Variants in TMEM132B observed in about 807,000 individuals in gnomAD.
TMEM132B encodes the protein transmembrane protein 132B.
Under a neutral mutation model 90.8 loss-of-function variants are expected in TMEM132B, and 18 were observed. The observed-to-expected ratio is 0.20, with a 90% CI of 0.14 to 0.29. The LOEUF is 0.29. Among genes scored for constraint, TMEM132B ranks in the 10% least tolerant of loss-of-function variants. TMEM132B has a pLI of 1.00. For missense variants in TMEM132B, 1,096 were observed against 1,326.8 expected (o/e 0.83, Z 2.70); for synonymous variants, 504 against 523.3 (o/e 0.96, Z 0.50).
intron 4 of TMEM132B, among the ~76,000 whole-genome samples, chr12:125,519,911 T>C (rs1883265481): frequency 6.6e-6 from 1 of 152,204 alleles, no homozygotes; most frequent in Non-Finnish European, 1.5e-5. Flanking sequence ...AGTGCTGCGC[T>C]GAGTGAAAAC....
intron 3 of TMEM132B, among the ~76,000 whole-genome samples, chr12:125,497,456 G>A (rs1316485507): frequency 6.6e-6 from 1 of 152,162 alleles, no homozygotes; most frequent in Non-Finnish European, 1.5e-5. Context: ...ATCCTTACAG[G>A]CTTCCAAGGT....
chr12:125,583,626 G>T (rs920156715), intron 4 of TMEM132B, among the ~76,000 whole-genome samples: 1 of 152,148 alleles, frequency 6.6e-6, no homozygotes, highest in African/African-American at 2.4e-5. Flanking sequence ...CCTGGGGACT[G>T]GGAAGACATT....
At chr12:125,380,301 C>T (rs1419387089) in intron 2 of TMEM132B, among the ~76,000 whole-genome samples, 1 of 152,180 alleles carries the variant, frequency 6.6e-6, no homozygotes, top group Non-Finnish European at 1.5e-5. Flanking sequence ...CATTGTCTTT[C>T]CTCCTGTGTG....
chr12:125,566,401 G>A (rs768218631), intron 4 of TMEM132B, among the ~76,000 whole-genome samples: 17 of 152,136 alleles, frequency 1.1e-4, no homozygotes, highest in Non-Finnish European at 2.5e-4. Flanking sequence ...ATAAAAATAC[G>A]TAAGACATAA....
intron 1 of TMEM132B, among the ~76,000 whole-genome samples, chr12:125,219,095 G>A (rs1039365956): frequency 1.3e-5 from 2 of 152,226 alleles, no homozygotes; most frequent in African/African-American, 4.8e-5. Flanking sequence ...TGAGCCTCTA[G>A]ATTAGTCATC....
intron 1 of TMEM132B, among the ~76,000 whole-genome samples, chr12:125,261,134 C>G (rs2136110223): frequency 6.6e-6 from 1 of 152,282 alleles, no homozygotes; most frequent in Non-Finnish European, 1.5e-5. Flanking sequence ...ACTTGTCTTC[C>G]CGGTGAGAAG....
In TMEM132B at chr12:125,490,597, C is replaced by T. The variant is rs1230685881; in HGVS notation, c.1107-28842C>T. Among the ~76,000 whole-genome samples, 9 of 152,024 alleles carry T rather than the reference C, an allele frequency of 5.9e-5. No individual in the cohort carries two copies. In the South Asian group the frequency reaches 1.0e-3, roughly 18 times the overall value. On this transcript the variant is annotated intron_variant, in intron 3 of 8. Transcript: ENST00000682704. This position sits in a 1 kb window ranked among gnomAD's most constrained non-coding sequence, Gnocchi z 4.2. ...TCCTGCCTTAGCCTCCCGAGTAGCT[C>T]GACTACAGACACCTGCCACCACGCC...
chr12:125,531,874 G>A (rs944945640), intron 4 of TMEM132B, among the ~76,000 whole-genome samples: 1 of 152,208 alleles, frequency 6.6e-6, no homozygotes, highest in Non-Finnish European at 1.5e-5. Flanking sequence ...AAATGCCGCC[G>A]TAGCACTTGG....
At chr12:125,486,933 A>T (rs1178920590) in intron 3 of TMEM132B, among the ~76,000 whole-genome samples, 1 of 152,236 alleles carries the variant, frequency 6.6e-6, no homozygotes, top group Non-Finnish European at 1.5e-5. Context: ...CAAGGAATGT[A>T]TGCAGACCTG....
intron 1 of TMEM132B, among the ~76,000 whole-genome samples, chr12:125,193,846 C>G (rs187707718): frequency 2.0e-5 from 3 of 152,322 alleles, no homozygotes; most frequent in South Asian, 4.1e-4. Context: ...AAGCAGTGGA[C>G]AAAGAAATCT....
intron 2 of TMEM132B, among the ~76,000 whole-genome samples, chr12:125,381,091 C>T (rs938360488): frequency 5.3e-5 from 8 of 152,220 alleles, no homozygotes; most frequent in South Asian, 2.1e-4. Flanking sequence ...ACACTATATG[C>T]ATAAAACCAG....
intron 1 of TMEM132B, among the ~76,000 whole-genome samples, chr12:125,302,847 A>G (rs1175850960): frequency 6.6e-6 from 1 of 152,190 alleles, no homozygotes; most frequent in Admixed American, 6.5e-5. Flanking sequence ...CTGTAATCCC[A>G]GCACTTTGGA....
At chr12:125,232,696 T>G (rs564988149) in intron 1 of TMEM132B, among the ~76,000 whole-genome samples, 1 of 152,346 alleles carries the variant, frequency 6.6e-6, no homozygotes, top group Admixed American at 6.5e-5. Flanking sequence ...CTCATAAATG[T>G]GTAAGTAGCT....
At chr12:125,477,937 G>A (rs1881931629) in intron 3 of TMEM132B, among the ~76,000 whole-genome samples, 1 of 152,212 alleles carries the variant, frequency 6.6e-6, no homozygotes, top group South Asian at 2.1e-4. Context: ...AATATTTGCT[G>A]TTCTGCAGCC....
At chr12:125,348,012 C>A (rs1398413727) in intron 1 of TMEM132B, among the ~76,000 whole-genome samples, 1 of 152,162 alleles carries the variant, frequency 6.6e-6, no homozygotes, top group African/African-American at 2.4e-5. Flanking sequence ...TCTATAGACA[C>A]ACAAACATAA....
At chr12:125,491,524 A>G (rs1355827551) in intron 3 of TMEM132B, among the ~76,000 whole-genome samples, 1 of 152,234 alleles carries the variant, frequency 6.6e-6, no homozygotes, top group African/African-American at 2.4e-5. Context: ...TGTTCACTGC[A>G]TCTGCAGACA....
rs527417576 is a variant in TMEM132B at position 125,429,281 on chromosome 12, C to T, written c.1106+13604C>T. Among the ~76,000 whole-genome samples the T allele has an allele frequency of 1.6e-4, 24 of 151,866 alleles. 1 individual carries two copies. Among genetic ancestry groups the T allele is most frequent in the African/African-American group, 5.6e-4 (23 of 41,362 alleles). On this transcript the variant is annotated intron_variant, in intron 3 of 8. Transcript: ENST00000682704. ...GTGGCATGATCTTGGCTCACTGCAA[C>T]CTCTGCCTCCTAGGCTCAAGCAATC...
Position 125,519,764 on chromosome 12 carries a change from C to T in TMEM132B, c.1293+139C>T, listed in dbSNP as rs554641704. The T allele has an allele frequency of 1.6e-5, 14 of 859,560 alleles. No individual in the cohort carries two copies. In the African/African-American group the frequency reaches 2.0e-4, roughly 13 times the overall value. The allele number at this position is 859,560 out of a possible 1,614,324, so 53.2% of individuals were successfully genotyped here. A position where few individuals can be genotyped will look rare whatever the true frequency, so the allele number is the denominator to read the frequency against. Reference sequence around the variant, plus strand: ...ATATACTTAAATTGCATTTGATCTACCTGCTTTTCATAATGGCTCCTTGGG... The same window carrying T: ...ATATACTTAAATTGCATTTGATCTATCTGCTTTTCATAATGGCTCCTTGGG... On this transcript the variant is annotated intron_variant, in intron 4 of 8. Coordinates refer to ENST00000682704, the MANE Select transcript of TMEM132B (RefSeq NM_001366854.1).
intron 1 of TMEM132B, among the ~76,000 whole-genome samples, chr12:125,312,669 A>G (rs1876150482): frequency 6.6e-6 from 1 of 152,198 alleles, no homozygotes; most frequent in African/African-American, 2.4e-5. Flanking sequence ...ACTCAGGGAC[A>G]GTCACTGAGA....
Sources: gnomAD v4.1 joint callset for allele counts (sites outside exome capture counted in the v4.1 genomes callset) on GRCh38, gnomAD v4.1.1 for gene constraint, Gnocchi (gnomAD v3.1) non-coding constraint, MANE v1.5 for transcripts, NCBI Gene and HGNC (gene_info 2026-07-23, HGNC 2026-07-21) for gene names.